TMBIM4: variants seen among roughly 807,000 people sequenced by gnomAD.
TMBIM4 encodes transmembrane BAX inhibitor motif containing 4, also known as protein lifeguard 4.
A neutral mutation model predicts 27.7 loss-of-function variants in TMBIM4; 28 were observed. The observed-to-expected ratio is 1.01, with a 90% CI of 0.75 to 1.38. The LOEUF is 1.38. Ranked by LOEUF, TMBIM4 falls within the 40% of genes most tolerant of loss-of-function variation. TMBIM4 has a pLI of 0.00. For missense variants in TMBIM4, 265 were observed against 277.5 expected (o/e 0.95, Z 0.32); for synonymous variants, 115 against 113.1 (o/e 1.02, Z -0.11).
chr12:66,163,001 G>T (rs934472809), intron 1 of TMBIM4, among the ~76,000 whole-genome samples: 3 of 152,114 alleles, frequency 2.0e-5, no homozygotes, highest in Non-Finnish European at 4.4e-5. Context: ...GAAAGGGGCT[G>T]TCCAAAAAAT....
chr12:66,138,271 T>C, intron 6 of TMBIM4, 105 bp from the exon 7 acceptor site: 1 of 1,472,752 alleles, frequency 6.8e-7, no homozygotes, highest in East Asian at 2.5e-5. Flanking sequence ...CATTTGACAA[T>C]GGTGTACAAC....
chr12:66,169,818 C>A (rs1468953819), intron 1 of TMBIM4, 37 bp downstream of exon 1: 72 of 1,479,074 alleles, frequency 4.9e-5, no homozygotes, highest in Non-Finnish European at 6.2e-5. Flanking sequence ...GCAGTGCAGA[C>A]AAGCGGCTGG....
chr12:66,144,763 TATC>T (rs889486219), intron 5 of TMBIM4: 4 of 151,920 alleles, frequency 2.6e-5, no homozygotes, highest in Non-Finnish European at 5.9e-5. Flanking sequence ...AGAAAGAAAA[TATC>T]ATAAGAATTA....
At position 66,169,855 on chromosome 12, in the gene TMBIM4, C is replaced by G. The variant is rs1394659241; in HGVS notation, c.97G>C (p.Ala33Pro). ...VASATVHIRM[A>P]FLRKVYSILS... Reference sequence around the variant, plus strand: ...AGGCACTGGAGAGGGGACAACGTACCCATTCGGATGTGCACGGTGGCGGAG... The same window carrying G: ...AGGCACTGGAGAGGGGACAACGTACGCATTCGGATGTGCACGGTGGCGGAG... Residue 33 changes from alanine (A) to proline (P), a missense_variant and splice_region_variant, in exon 1 of 7, where the codon GCC becomes CCC. Coordinates refer to ENST00000358230, the MANE Select transcript of TMBIM4 (RefSeq NM_016056.4). 6.6e-7 allele frequency: 1 copy of G among 1,512,350 alleles called. No homozygotes were observed. The highest frequency in any genetic ancestry group is 2.8e-5 in the East Asian group (1 of 35,782). 93.7% of individuals were successfully genotyped at this position (1,512,350 alleles called of 1,614,324 possible).
chr12:66,162,288 G>A (rs1165981045), intron 1 of TMBIM4, among the ~76,000 whole-genome samples: 2 of 152,296 alleles, frequency 1.3e-5, no homozygotes, highest in East Asian at 3.9e-4. Context: ...GAGATATTCT[G>A]AGAAAGAGAG....
chr12:66,145,141 G>A (rs956016455), intron 5 of TMBIM4, among the ~76,000 whole-genome samples: 3 of 152,130 alleles, frequency 2.0e-5, no homozygotes, highest in Non-Finnish European at 4.4e-5. Flanking sequence ...AGTGTTGGCT[G>A]ACCAACTATA....
rs934173303 is a variant in TMBIM4 at position 66,165,870 on chromosome 12, A to C, written c.97+3985T>G. Among the ~76,000 whole-genome samples, 5 of 152,240 alleles carry C rather than the reference A, an allele frequency of 3.3e-5. No individual in the cohort carries two copies. In the East Asian group the frequency reaches 5.8e-4, roughly 18 times the overall value. ...ATTTGCAAATATTTTCACCCATTTT[A>C]TGGGCCTTTTCACTCTGTTGAATGT... On this transcript the variant is annotated intron_variant, in intron 1 of 6. Transcript: ENST00000358230.
chr12:66,138,692 T>C (rs1375501973), intron 6 of TMBIM4, 32 bp downstream of exon 6: 1 of 1,501,174 alleles, frequency 6.7e-7, no homozygotes, highest in Admixed American at 2.4e-5. Context: ...GCCAGAATTA[T>C]ATTTCAAATT....
Position 66,138,080 on chromosome 12 carries a change from G to A in TMBIM4, c.597C>T (p.His199=). Residue 199 remains histidine (H), a synonymous_variant, in exon 7 of 7, where the codon CAC becomes CAT. Transcript: ENST00000358230. Reference sequence around the variant, plus strand: ...CAGGTGACAGTTTATGCATCAGTGAGTGTGTGTCATAGATGATGAATCCAC... The same window carrying A: ...CAGGTGACAGTTTATGCATCAGTGAATGTGTGTCATAGATGATGAATCCAC... ...LFCGFIIYDT[H]SLMHKLSPEE... is the part of the protein sequence containing the mutation. The A allele has an allele frequency of 6.2e-7, 1 of 1,614,014 alleles. No homozygotes were observed. Among genetic ancestry groups the A allele is most frequent in the Non-Finnish European group, 8.5e-7 (1 of 1,179,982 alleles).
intron 5 of TMBIM4, among the ~76,000 whole-genome samples, chr12:66,142,435 G>A (rs1426222068): frequency 6.7e-6 from 1 of 150,352 alleles, no homozygotes; most frequent in East Asian, 1.9e-4. Context: ...AAGTTAGCCT[G>A]GCACAGTTTC....
intron 1 of TMBIM4, among the ~76,000 whole-genome samples, chr12:66,168,127 G>A (rs941897975): frequency 3.3e-5 from 5 of 151,834 alleles, no homozygotes; most frequent in Admixed American, 6.6e-5. Context: ...AGGCTGAGGC[G>A]GGAGGATCAC....
intron 1 of TMBIM4, among the ~76,000 whole-genome samples, chr12:66,154,021 C>T (rs541005360): frequency 3.9e-5 from 6 of 152,140 alleles, no homozygotes; most frequent in African/African-American, 1.2e-4. Flanking sequence ...GTTATCAATA[C>T]CCAGAAATCA....
At chr12:66,147,247 T>C (rs2051766741) in intron 4 of TMBIM4, among the ~76,000 whole-genome samples, 1 of 152,084 alleles carries the variant, frequency 6.6e-6, no homozygotes, top group Non-Finnish European at 1.5e-5. Flanking sequence ...GAGTTAAATA[T>C]ATTAACTATA....
intron 5 of TMBIM4, among the ~76,000 whole-genome samples, chr12:66,143,407 A>G (rs1175017065): frequency 6.6e-6 from 1 of 152,184 alleles, no homozygotes; most frequent in Non-Finnish European, 1.5e-5. Context: ...CTGACTTTCT[A>G]GGAAAGAAAA....
chr12:66,165,486 C>T (rs1168415782), intron 1 of TMBIM4, among the ~76,000 whole-genome samples: 1 of 150,526 alleles, frequency 6.6e-6, no homozygotes, highest in Admixed American at 6.6e-5. Flanking sequence ...GGCACAATCA[C>T]AGCTTGCTGC....
chr12:66,158,832 C>T (rs2051990123), intron 1 of TMBIM4, among the ~76,000 whole-genome samples: 1 of 152,086 alleles, frequency 6.6e-6, no homozygotes, highest in Admixed American at 6.5e-5. Flanking sequence ...AAAAATACCA[C>T]CTCATATTAT....
At chr12:66,149,954 G>A (rs1592542233) in intron 3 of TMBIM4, among the ~76,000 whole-genome samples, 1 of 151,912 alleles carries the variant, frequency 6.6e-6, no homozygotes, top group East Asian at 1.9e-4. Context: ...TGGTGGATCA[G>A]GACCAAAAAA....
intron 1 of TMBIM4, among the ~76,000 whole-genome samples, chr12:66,160,833 G>A (rs960690612): frequency 6.6e-6 from 1 of 151,932 alleles, no homozygotes; most frequent in Admixed American, 6.6e-5. Context: ...TTGCCACACA[G>A]GGCGGCAGCT....
intron 1 of TMBIM4, among the ~76,000 whole-genome samples, chr12:66,157,804 T>C (rs1411157576): frequency 6.6e-6 from 1 of 152,122 alleles, no homozygotes; most frequent in Non-Finnish European, 1.5e-5. Context: ...TATGGTAACA[T>C]CAAAAGTAGA....
Sources: gnomAD v4.1 joint callset for allele counts (sites outside exome capture counted in the v4.1 genomes callset) on GRCh38, gnomAD v4.1.1 for gene constraint, MANE v1.5 for transcripts, NCBI Gene and HGNC (gene_info 2026-07-23, HGNC 2026-07-21) for gene names.